Variants in BRINP3 observed in about 807,000 individuals in gnomAD.
BRINP3 encodes BMP/retinoic acid-inducible neural-specific protein 3.
In BRINP3, 19 loss-of-function variants were observed where a neutral mutation model predicts 71.0. The observed-to-expected ratio is 0.27, with a 90% CI of 0.19 to 0.39. The LOEUF (loss-of-function observed/expected upper bound fraction) is 0.39, where lower values mean the gene tolerates loss of function less well. BRINP3 is among the 10% of genes least tolerant of loss of function. The pLI is 1.00. For missense variants in BRINP3, 959 were observed against 940.8 expected (o/e 1.02, Z -0.25); for synonymous variants, 380 against 337.7 (o/e 1.13, Z -1.37).
intron 2 of BRINP3, among the ~76,000 whole-genome samples, chr1:190,327,834 C>G (rs925242874): frequency 1.3e-5 from 2 of 152,176 alleles, no homozygotes; most frequent in Middle Eastern, 3.4e-3. Flanking sequence ...ATCCACCCGT[C>G]AACCACAGAA....
intron 2 of BRINP3, among the ~76,000 whole-genome samples, chr1:190,415,347 G>A (rs1672945658): frequency 6.6e-6 from 1 of 151,992 alleles, no homozygotes; most frequent in South Asian, 2.1e-4. Flanking sequence ...ATAAAACAAG[G>A]ATAAATATTG....
Position 190,358,906 on chromosome 1 carries a change from C to T in BRINP3, c.237-77156G>A, listed in dbSNP as rs187144953. ...AACCATCATTCTCAGCAAACTATCA[C>T]AGGGACAAAAAACCAAACATTGCAT... On this transcript the variant is annotated intron_variant, in intron 2 of 7. Transcript: ENST00000367462. Among the ~76,000 whole-genome samples the T allele has an allele frequency of 2.6e-5, 4 of 152,112 alleles. No homozygotes were observed. The East Asian group carries it at 7.7e-4, about 29-fold the overall frequency.
chr1:190,102,393 T>G (rs1651780008), intron 7 of BRINP3, among the ~76,000 whole-genome samples: 3 of 152,166 alleles, frequency 2.0e-5, no homozygotes, highest in Admixed American at 2.0e-4. Flanking sequence ...TCCACTTTGT[T>G]TCTTTTTATG....
rs769292499 is a variant in BRINP3, at chr1:190,312,206, TTA to T, written c.237-30458_237-30457del. ...TGATGATCTTTCGTAAATTGCGAAT[TTA>T]TGTTATTGCAAAGTTCAATATAAAA... On this transcript the variant is annotated intron_variant, in intron 2 of 7. Coordinates refer to ENST00000367462, the MANE Select transcript of BRINP3 (RefSeq NM_199051.3). 1.1e-4 allele frequency among the ~76,000 whole-genome samples: 17 copies of T among 150,742 alleles called. 1 individual carries two copies. In the East Asian group the frequency reaches 1.6e-3, roughly 14 times the overall value.
At chr1:190,471,051 G>A (rs1418895544) in intron 1 of BRINP3, among the ~76,000 whole-genome samples, 11 of 151,114 alleles carry the variant, frequency 7.3e-5, no homozygotes, top group Admixed American at 7.3e-4. Flanking sequence ...CTTTGTAATT[G>A]GATAGGTCTG....
At chr1:190,312,389 A>G (rs1219285642) in intron 2 of BRINP3, among the ~76,000 whole-genome samples, 2 of 151,486 alleles carry the variant, frequency 1.3e-5, no homozygotes, top group African/African-American at 2.4e-5. Flanking sequence ...TATATTTATG[A>G]TCTCAGTGAT....
chr1:190,318,628 A>G lies in BRINP3; in HGVS notation c.237-36878T>C, dbSNP rs563914485. On this transcript the variant is annotated intron_variant, in intron 2 of 7. Transcript: ENST00000367462. ...GTCCCTATTTTTTTTCCTCTTGTTT[A>G]AAAAGTAAAGACAAATAGTAGCTCA... 3.9e-5 allele frequency among the ~76,000 whole-genome samples: 6 copies of G among 152,128 alleles called. No individual in the cohort carries two copies. The South Asian group carries it at 1.2e-3, about 32-fold the overall frequency.
intron 2 of BRINP3, among the ~76,000 whole-genome samples, chr1:190,444,692 T>G (rs989709094): frequency 2.2e-4 from 33 of 151,998 alleles, no homozygotes; most frequent in Non-Finnish European, 3.7e-4. Context: ...CGCACCAGTA[T>G]GCTCAGCTGA....
At chr1:190,445,712 CAAAA>C (rs1374043503) in intron 2 of BRINP3, among the ~76,000 whole-genome samples, 5 of 151,888 alleles carry the variant, frequency 3.3e-5, no homozygotes, top group African/African-American at 1.2e-4. Context: ...ATTAGCAATT[CAAAA>C]GCTCCAGCAG....
intron 6 of BRINP3, among the ~76,000 whole-genome samples, chr1:190,184,402 G>C (rs1464320053): frequency 6.6e-6 from 1 of 152,030 alleles, no homozygotes; most frequent in Non-Finnish European, 1.5e-5. Context: ...AAAGGAAATA[G>C]CTCATTATAC....
At chr1:190,368,927 C>T (rs1392092085) in intron 2 of BRINP3, among the ~76,000 whole-genome samples, 2 of 152,090 alleles carry the variant, frequency 1.3e-5, no homozygotes, top group Admixed American at 6.6e-5. Context: ...GGCCTTCTCC[C>T]TGTAACTGGT....
At chr1:190,290,265 A>G (rs1262504737) in intron 2 of BRINP3, among the ~76,000 whole-genome samples, 2 of 152,132 alleles carry the variant, frequency 1.3e-5, no homozygotes, top group Admixed American at 6.6e-5. Context: ...ATATGTTTGG[A>G]AGTTTAGAAA....
intron 6 of BRINP3, among the ~76,000 whole-genome samples, chr1:190,164,779 A>C: frequency 6.6e-6 from 1 of 151,336 alleles, no homozygotes; most frequent in East Asian, 1.9e-4. Flanking sequence ...TTTTGTAGAC[A>C]TGGGGTCTTA....
At chr1:190,443,481 A>G (rs1386410969) in intron 2 of BRINP3, among the ~76,000 whole-genome samples, 1 of 151,998 alleles carries the variant, frequency 6.6e-6, no homozygotes, top group Admixed American at 6.5e-5. Context: ...ACTGAAGAGT[A>G]TAAAACATTC....
intron 2 of BRINP3, among the ~76,000 whole-genome samples, chr1:190,360,933 C>A (rs1669103037): frequency 6.6e-6 from 1 of 152,128 alleles, no homozygotes; most frequent in South Asian, 2.1e-4. Context: ...AAAGACATAT[C>A]TAACTCTGGA....
chr1:190,463,112 T>C (rs985358122), intron 1 of BRINP3, among the ~76,000 whole-genome samples: 2 of 151,836 alleles, frequency 1.3e-5, no homozygotes, highest in African/African-American at 4.8e-5. Context: ...TTAATTTACT[T>C]ATCTGTTCCT....
chr1:190,176,814 T>C (rs1177868478), intron 6 of BRINP3, among the ~76,000 whole-genome samples: 1 of 152,146 alleles, frequency 6.6e-6, no homozygotes, highest in African/African-American at 2.4e-5. Context: ...TTACTTTTGC[T>C]GCTTGGGGTC....
At chr1:190,425,396 C>T (rs1673637020) in intron 2 of BRINP3, among the ~76,000 whole-genome samples, 1 of 151,730 alleles carries the variant, frequency 6.6e-6, no homozygotes, top group South Asian at 2.1e-4. Context: ...TCAACATAAG[C>T]ATAGCATACC....
intron 2 of BRINP3, among the ~76,000 whole-genome samples, chr1:190,403,573 A>T (rs892367877): frequency 6.6e-6 from 1 of 152,300 alleles, no homozygotes; most frequent in African/African-American, 2.4e-5. Context: ...AGAACAGGGA[A>T]TGTAGAGCTT....
Sources: allele counts gnomAD v4.1 joint callset (sites outside exome capture counted in the v4.1 genomes callset), GRCh38; gene constraint gnomAD v4.1.1; transcripts MANE v1.5; gene names NCBI Gene and HGNC (gene_info 2026-07-23, HGNC 2026-07-21).